Variants in MED13L observed in about 807,000 individuals in gnomAD.
MED13L encodes the protein mediator of RNA polymerase II transcription subunit 13-like.
A neutral mutation model predicts 220.9 loss-of-function variants in MED13L; 7 were observed. The observed-to-expected ratio is 0.03, with a 90% CI of 0.02 to 0.06. The LOEUF is 0.06. Ranked by LOEUF, MED13L falls within the 10% of genes least tolerant of loss-of-function variation. The pLI, the probability that MED13L is intolerant of heterozygous loss-of-function variation, is 1.00. For missense variants in MED13L, 1,965 were observed against 2,760.5 expected (o/e 0.71, Z 6.46); for synonymous variants, 1,011 against 1,015.2 (o/e 1.00, Z 0.08).
At chr12:116,161,279 C>T (rs1016234428) in intron 2 of MED13L, among the ~76,000 whole-genome samples, 1 of 152,146 alleles carries the variant, frequency 6.6e-6, no homozygotes, top group Non-Finnish European at 1.5e-5. Context: ...AGTGGACGTG[C>T]ACTGACCTCC....
intron 1 of MED13L, among the ~76,000 whole-genome samples, chr12:116,240,088 C>G (rs1157268432): frequency 1.3e-4 from 20 of 151,580 alleles, no homozygotes. Context: ...TGTTCATACC[C>G]TTTGTCCATT....
At chr12:116,216,019 T>G (rs2138371569) in intron 2 of MED13L, among the ~76,000 whole-genome samples, 1 of 152,242 alleles carries the variant, frequency 6.6e-6, no homozygotes, top group East Asian at 1.9e-4. Flanking sequence ...TTTTCAAACT[T>G]TTTTCTTCCT....
chr12:115,977,533 A>G (rs1266390252), intron 23 of MED13L, among the ~76,000 whole-genome samples: 1 of 152,222 alleles, frequency 6.6e-6, no homozygotes, highest in African/African-American at 2.4e-5. Flanking sequence ...ACAAGTGCCA[A>G]AAAGTGGAAA....
intron 2 of MED13L, among the ~76,000 whole-genome samples, chr12:116,177,201 T>A (rs943817865): frequency 6.6e-6 from 1 of 152,046 alleles, no homozygotes; most frequent in Non-Finnish European, 1.5e-5. Context: ...GAACGCTAAG[T>A]CACCTCCCTC....
rs190014619 is a variant in MED13L, at chr12:116,011,024, G to A, written c.1280+1773C>T. 1.6e-3 allele frequency among the ~76,000 whole-genome samples: 246 copies of A among 151,858 alleles called. 3 individuals are homozygous for A. The highest frequency in any genetic ancestry group is 5.5e-3 in the African/African-American group (229 of 41,414). ...CCTGAGCAGCTGGGATTACAGACAC[G>A]CACCACCATGGCTGGCTAATTTGTG... On this transcript the variant is annotated intron_variant, in intron 9 of 30. Coordinates refer to ENST00000281928, the MANE Select transcript of MED13L (RefSeq NM_015335.5).
chr12:116,034,831 C>A (rs903726857), intron 4 of MED13L, among the ~76,000 whole-genome samples: 1 of 152,142 alleles, frequency 6.6e-6, no homozygotes. Flanking sequence ...CATGGTGTAA[C>A]CCTGTCTCTA....
chr12:116,107,977 C>A (rs576067005), intron 3 of MED13L, among the ~76,000 whole-genome samples: 3 of 152,228 alleles, frequency 2.0e-5, no homozygotes, highest in Non-Finnish European at 4.4e-5. Context: ...GTAGTCCCAG[C>A]TGCTTAGGAG....
chr12:116,130,110 T>TAAG (rs1875944337), intron 2 of MED13L, among the ~76,000 whole-genome samples: 1 of 152,144 alleles, frequency 6.6e-6, no homozygotes, highest in Non-Finnish European at 1.5e-5. Context: ...ACAGGTTTCT[T>TAAG]AAACTCACAA....
chr12:116,139,553 TTACA>T, intron 2 of MED13L, among the ~76,000 whole-genome samples: 1 of 152,308 alleles, frequency 6.6e-6, no homozygotes, highest in East Asian at 1.9e-4. Flanking sequence ...AATGACCCTC[TTACA>T]GTTACCATAA....
intron 1 of MED13L, among the ~76,000 whole-genome samples, chr12:116,246,786 C>T (rs1368703980): frequency 1.3e-5 from 1 of 79,794 alleles, no homozygotes; most frequent in African/African-American, 5.0e-5. Flanking sequence ...AAGGGAGGGA[C>T]AGGAGGGGAG....
chr12:116,191,331 T>C (rs181959359), intron 2 of MED13L, among the ~76,000 whole-genome samples: 77 of 152,106 alleles, frequency 5.1e-4, no homozygotes, highest in African/African-American at 3.6e-4. Context: ...ATTATTTGTG[T>C]TTTTTGTTTT....
intron 9 of MED13L, among the ~76,000 whole-genome samples, chr12:116,010,760 A>T (rs1352229930): frequency 6.6e-6 from 1 of 152,226 alleles, no homozygotes; most frequent in Non-Finnish European, 1.5e-5. Flanking sequence ...GTCAGTGTGA[A>T]ATCCAGTGAC....
intron 18 of MED13L, 141 bp downstream of exon 18, chr12:115,986,968 A>G (rs1191869271): frequency 9.9e-6 from 9 of 908,636 alleles, no homozygotes; most frequent in Non-Finnish European, 1.5e-5. Flanking sequence ...TTAGGAAAAC[A>G]AAGAGATTAT....
chr12:116,012,759 A>G (rs1161760642), intron 9 of MED13L, 38 bp downstream of exon 9: 8 of 1,395,084 alleles, frequency 5.7e-6, no homozygotes, highest in Non-Finnish European at 8.2e-6. Context: ...ATGCGCCATC[A>G]TTCGATCCAT....
intron 11 of MED13L, chr12:116,007,058 T>TA: frequency 5.9e-6 from 2 of 336,456 alleles, no homozygotes; most frequent in South Asian, 5.8e-5. Flanking sequence ...TACCTACTGT[T>TA]ACAAACATTT....
chr12:116,088,045 TGA>T (rs1871866033), intron 4 of MED13L, among the ~76,000 whole-genome samples: 1 of 152,064 alleles, frequency 6.6e-6, no homozygotes, highest in South Asian at 2.1e-4. Flanking sequence ...TGCAAAAACC[TGA>T]GTTACCAAAT....
At chr12:115,980,357 G>A (rs1209854369) in intron 23 of MED13L, 2 of 207,262 alleles carry the variant, frequency 9.6e-6, no homozygotes, top group Non-Finnish European at 2.0e-5. Context: ...CTGAGACAGG[G>A]TCTTGCTCTC....
chr12:116,211,920 A>G (rs1411923128), intron 2 of MED13L, among the ~76,000 whole-genome samples: 1 of 152,222 alleles, frequency 6.6e-6, no homozygotes, highest in Non-Finnish European at 1.5e-5. Flanking sequence ...GTAAAGCAAC[A>G]TGAGAGTAGG....
At chr12:116,143,274 C>T (rs1413096290) in intron 2 of MED13L, among the ~76,000 whole-genome samples, 2 of 149,730 alleles carry the variant, frequency 1.3e-5, no homozygotes, top group Admixed American at 6.7e-5. Context: ...TCAGGGAGGC[C>T]GAGGCAGGGC....
Sources: gnomAD v4.1 joint callset for allele counts (sites outside exome capture counted in the v4.1 genomes callset) on GRCh38, gnomAD v4.1.1 for gene constraint, MANE v1.5 for transcripts, NCBI Gene and HGNC (gene_info 2026-07-23, HGNC 2026-07-21) for gene names.